The following TNRC6A variants were observed in gnomAD, a reference collection of about 807,000 sequenced individuals.
TNRC6A encodes the protein trinucleotide repeat-containing gene 6A protein.
TNRC6A carries 44 observed loss-of-function variants against 221.2 expected under a neutral mutation model. The ratio of observed to expected loss-of-function variants is 0.20; its 90% CI spans 0.16 to 0.26. The LOEUF (loss-of-function observed/expected upper bound fraction) is 0.26, where lower values mean the gene tolerates loss of function less well. TNRC6A is among the 10% of genes least tolerant of loss of function. TNRC6A has a pLI of 1.00. For synonymous variants in TNRC6A, 847 were observed against 838.5 expected, an observed-to-expected ratio of 1.01 and a Z score of -0.18; for missense variants, 2,199 against 2,404.4, an observed-to-expected ratio of 0.91 and a Z score of 1.79.
chr16:24,729,724 G>A lies in TNRC6A; in HGVS notation c.-118G>A. 1 of 1,133,636 alleles carries A rather than the reference G, an allele frequency of 8.8e-7. No individual in the cohort carries two copies. Among genetic ancestry groups the A allele is most frequent in the Non-Finnish European group, 1.1e-6 (1 of 882,938 alleles). The allele number at this position is 1,133,636 out of a possible 1,614,324, so 70.2% of individuals were successfully genotyped here. ...GCGGCGGCGGCGGCGGCGGCAGCGG[G>A]TCGGTGTAGAAAATGGCGCTGGTGC... On this transcript the variant is annotated 5_prime_UTR_variant, in exon 1 of 25. Coordinates refer to ENST00000395799, the MANE Select transcript of TNRC6A (RefSeq NM_014494.4).
chr16:24,678,569 G>A (rs2055466872), intron 2 of TNRC6A, among the ~76,000 whole-genome samples: 1 of 152,172 alleles, frequency 6.6e-6, no homozygotes. Flanking sequence ...GCCAGGCATG[G>A]TGGCGCATGC....
chr16:24,636,803 A>G (rs1398673693), intron 1 of TNRC6A, among the ~76,000 whole-genome samples: 1 of 152,226 alleles, frequency 6.6e-6, no homozygotes, highest in Non-Finnish European at 1.5e-5. Flanking sequence ...ATGCAAAAGC[A>G]TGTAAATCCA....
At chr16:24,782,879 AAAG>A (rs2057882176) in intron 5 of TNRC6A, among the ~76,000 whole-genome samples, 1 of 152,150 alleles carries the variant, frequency 6.6e-6, no homozygotes, top group Non-Finnish European at 1.5e-5. Flanking sequence ...CTGACAAAAA[AAAG>A]AGTGATTTGA....
chr16:24,815,018 G>C, intron 18 of TNRC6A, 129 bp from the exon 19 acceptor site: 1 of 953,912 alleles, frequency 1.0e-6, no homozygotes, highest in Non-Finnish European at 1.6e-6. Flanking sequence ...ATATAAAAGA[G>C]TTACTCTAGA....
intron 1 of TNRC6A, among the ~76,000 whole-genome samples, chr16:24,633,143 A>G (rs1316670777): frequency 6.6e-6 from 1 of 152,092 alleles, no homozygotes; most frequent in Non-Finnish European, 1.5e-5. Flanking sequence ...AGGTACTTGA[A>G]CCTACCAAGC....
At chr16:24,744,145 G>A (rs1027211525) in intron 2 of TNRC6A, among the ~76,000 whole-genome samples, 1 of 152,142 alleles carries the variant, frequency 6.6e-6, no homozygotes, top group Non-Finnish European at 1.5e-5. Context: ...CTTATGACCT[G>A]ATCAGGTTAT....
At chr16:24,635,060 T>G (rs1483013651) in intron 1 of TNRC6A, among the ~76,000 whole-genome samples, 2 of 151,350 alleles carry the variant, frequency 1.3e-5, no homozygotes, top group Non-Finnish European at 3.0e-5. Flanking sequence ...CAGAAGTGAG[T>G]CACCTTTCTT....
chr16:24,724,765 TA>T (rs953064535), upstream of TNRC6A, among the ~76,000 whole-genome samples: 19 of 152,094 alleles, frequency 1.2e-4, no homozygotes, highest in African/African-American at 4.3e-4. Flanking sequence ...AATAAATAAA[TA>T]AATTCTCTCC....
intron 8 of TNRC6A, chr16:24,795,653 T>G: frequency 2.5e-6 from 1 of 395,756 alleles, no homozygotes; most frequent in Non-Finnish European, 4.5e-6. Flanking sequence ...AATTTTTCAT[T>G]TGGCTGAATT....
Position 24,812,019 on chromosome 16 carries a change from A to ATTTTTTTTTTTT in TNRC6A, c.4672+2574_4672+2585dup, listed in dbSNP as rs71156440. ...CCGTTCAGGGGAATGTCACTTTGGG[A>ATTTTTTTTTTTT]TTTTTTTTTTTTTTTTTTTTTTTTT... On this transcript the variant is annotated intron_variant, in intron 18 of 24. Transcript: ENST00000395799. Among the ~76,000 whole-genome samples the ATTTTTTTTTTTT allele has an allele frequency of 6.6e-4, 27 of 40,854 alleles. 5 individuals are homozygous for ATTTTTTTTTTTT. Among genetic ancestry groups the ATTTTTTTTTTTT allele is most frequent in the South Asian group, 1.1e-3 (1 of 912 alleles). 26.8% of individuals were successfully genotyped at this position (40,854 alleles called of 152,430 possible).
intron 20 of TNRC6A, among the ~76,000 whole-genome samples, chr16:24,818,371 G>T (rs1157338710): frequency 6.6e-6 from 1 of 152,154 alleles, no homozygotes; most frequent in Non-Finnish European, 1.5e-5. Context: ...AAATCAGAGG[G>T]AAAATGCCTG....
At chr16:24,753,271 A>G (rs554537011) in intron 3 of TNRC6A, among the ~76,000 whole-genome samples, 1 of 152,324 alleles carries the variant, frequency 6.6e-6, no homozygotes, top group South Asian at 2.1e-4. Context: ...TGTCCTTACT[A>G]GAACCATCAT....
intron 2 of TNRC6A, among the ~76,000 whole-genome samples, chr16:24,709,549 G>A (rs1019118108): frequency 6.6e-6 from 1 of 152,038 alleles, no homozygotes; most frequent in East Asian, 1.9e-4. Flanking sequence ...TATTGGCCAG[G>A]CCTGGTGGCT....
At chr16:24,661,269 A>T (rs1442720810) in intron 2 of TNRC6A, among the ~76,000 whole-genome samples, 1 of 151,652 alleles carries the variant, frequency 6.6e-6, no homozygotes, top group Non-Finnish European at 1.5e-5. Flanking sequence ...AGTCCATAAT[A>T]TCACTGGGTA....
chr16:24,666,697 C>T (rs955250934), intron 2 of TNRC6A, among the ~76,000 whole-genome samples: 7 of 119,096 alleles, frequency 5.9e-5, no homozygotes, highest in African/African-American at 2.3e-4. Context: ...ATACATATGG[C>T]AGGGGCAGGG....
chr16:24,743,962 C>T (rs1414520031), intron 2 of TNRC6A, among the ~76,000 whole-genome samples: 6 of 152,132 alleles, frequency 3.9e-5, no homozygotes, highest in Non-Finnish European at 7.4e-5. Context: ...TCTATTTTTT[C>T]TTGGTCAGGT....
chr16:24,796,058 T>C, intron 9 of TNRC6A, 119 bp downstream of exon 9: 1 of 1,059,602 alleles, frequency 9.4e-7, no homozygotes, highest in Non-Finnish European at 1.4e-6. Context: ...TGCTGGGGAT[T>C]CAAATACACT....
intron 4 of TNRC6A, chr16:24,776,703 G>T: frequency 1.0e-6 from 1 of 985,454 alleles, no homozygotes. Context: ...TGTCTTGGCC[G>T]AAGGTCCCTG....
intron 12 of TNRC6A, 162 bp from the exon 13 acceptor site, chr16:24,804,543 T>C: frequency 1.6e-6 from 2 of 1,220,500 alleles, no homozygotes; most frequent in Non-Finnish European, 2.2e-6. Flanking sequence ...TTGGCTCTTT[T>C]TGTGTGCTCT....
Sources: gnomAD v4.1 joint callset for allele counts (sites outside exome capture counted in the v4.1 genomes callset) on GRCh38, gnomAD v4.1.1 for gene constraint, MANE v1.5 for transcripts, NCBI Gene and HGNC (gene_info 2026-07-23, HGNC 2026-07-21) for gene names.